DLG5: variants seen among roughly 807,000 people sequenced by gnomAD.
DLG5 encodes disks large homolog 5.
A neutral mutation model predicts 189.8 loss-of-function variants in DLG5; 48 were observed. That is an observed-to-expected ratio of 0.25 (90% CI 0.20 to 0.32). DLG5 has a LOEUF of 0.32. Ranked by LOEUF, DLG5 falls within the 10% of genes least tolerant of loss-of-function variation. DLG5 has a pLI of 1.00. For synonymous variants in DLG5, 1,016 were observed against 1,054.1 expected (o/e 0.96, Z 0.70); for missense variants, 2,160 against 2,544.7 (o/e 0.85, Z 3.25).
At chr10:77,909,939 T>A (rs1264396023) in intron 1 of DLG5, among the ~76,000 whole-genome samples, 1 of 152,114 alleles carries the variant, frequency 6.6e-6, no homozygotes, top group African/African-American at 2.4e-5. Context: ...GGTGGCCTCA[T>A]TTTCCTGCCT....
At chr10:77,825,415 C>CACACACAG (rs1491412699) in intron 13 of DLG5, among the ~76,000 whole-genome samples, 1 of 148,174 alleles carries the variant, frequency 6.7e-6, no homozygotes, top group African/African-American at 2.5e-5. Flanking sequence ...CACACACACA[C>CACACACAG]AGTACCAATG....
At chr10:77,794,317 C>A (rs995004883) in intron 30 of DLG5, among the ~76,000 whole-genome samples, 200 bp from the exon 31 acceptor site, 3 of 152,236 alleles carry the variant, frequency 2.0e-5, no homozygotes, top group African/African-American at 7.2e-5. Flanking sequence ...GAGGGCCCCC[C>A]AGCACACACA....
intron 20 of DLG5, 61 bp downstream of exon 20, chr10:77,816,490 G>A (rs1041288303): frequency 6.2e-6 from 10 of 1,609,960 alleles, no homozygotes; most frequent in African/African-American, 2.7e-5. Flanking sequence ...GCCCAGGCCC[G>A]CTGCCGGGAT....
At chr10:77,884,443 G>C (rs1845376586) in intron 1 of DLG5, among the ~76,000 whole-genome samples, 1 of 152,080 alleles carries the variant, frequency 6.6e-6, no homozygotes, top group Non-Finnish European at 1.5e-5. Flanking sequence ...CCCCACAGTG[G>C]ATCAGCAACG....
Position 77,842,104 on chromosome 10 carries a change from G to A in DLG5, c.1214C>T (p.Thr405Ile). The change falls in exon 7 of 32, where the codon ACC becomes ATC. Residue 405 changes from threonine to isoleucine, a missense_variant. This residue lies in a region of DLG5 where 664 missense variants were observed against 838.5 expected (regional missense o/e 0.79). Coordinates refer to ENST00000372391, the MANE Select transcript of DLG5 (RefSeq NM_004747.4). ...CTTCACCTGCGTGGTTCTCAGCTCG[G>A]TCAGCTCTGACTGCAGCAGCTCCAT... ...WEMELLQSEL[T>I]ELRTTQVKTA... The A allele has an allele frequency of 6.2e-7, 1 of 1,613,362 alleles. No homozygotes were observed. The highest frequency in any genetic ancestry group is 8.5e-7 in the Non-Finnish European group (1 of 1,180,036).
intron 27 of DLG5, among the ~76,000 whole-genome samples, chr10:77,802,378 T>G (rs1841251645): frequency 6.6e-6 from 1 of 152,182 alleles, no homozygotes; most frequent in East Asian, 1.9e-4. Flanking sequence ...ATGGACATTT[T>G]CAGACACAAA....
intron 1 of DLG5, among the ~76,000 whole-genome samples, chr10:77,888,259 G>T (rs1192211047): frequency 6.6e-6 from 1 of 152,126 alleles, no homozygotes. Flanking sequence ...GGCAAAGTGC[G>T]GCAGGAACTT....
At chr10:77,834,487 G>A (rs1160101714) in intron 8 of DLG5, among the ~76,000 whole-genome samples, 2 of 152,134 alleles carry the variant, frequency 1.3e-5, no homozygotes, top group Non-Finnish European at 2.9e-5. Flanking sequence ...TTCTAGAGCT[G>A]TCCCTGTACC....
At chr10:77,835,977 G>C (rs1306126029) in intron 7 of DLG5, 55 bp from the exon 8 acceptor site, 1 of 1,565,230 alleles carries the variant, frequency 6.4e-7, no homozygotes, top group East Asian at 2.3e-5. Flanking sequence ...CATGGACCAG[G>C]AGCGCCTCCC....
intron 1 of DLG5, among the ~76,000 whole-genome samples, chr10:77,890,861 C>T (rs1044777854): frequency 3.9e-5 from 6 of 152,318 alleles, no homozygotes; most frequent in African/African-American, 1.4e-4. Context: ...CAGAATAAAA[C>T]CTGCCTGGAA....
rs1415579738 is a variant in DLG5 at position 77,817,846 on chromosome 10, T to A, written c.3715A>T (p.Thr1239Ser). The change falls in exon 18 of 32, where the codon ACC becomes TCC. Residue 1239 changes from threonine to serine, a missense_variant. Around this residue, in one of 5 missense-constraint regions of DLG5, gnomAD observed 754 missense variants for 746.5 expected, o/e 1.01. Coordinates refer to ENST00000372391, the MANE Select transcript of DLG5 (RefSeq NM_004747.4). ...GRLSLDLSHR[T>S]CSDYSEMRAT... Reference sequence around the variant, plus strand: ...CTCATCTCGGAGTAGTCGCTGCAGGTCCTGTGGCTCAGGTCCAGGCTCAGG... The same window carrying A: ...CTCATCTCGGAGTAGTCGCTGCAGGACCTGTGGCTCAGGTCCAGGCTCAGG... The A allele has an allele frequency of 6.4e-7, 1 of 1,554,008 alleles. No homozygotes were observed.
At chr10:77,822,135 G>C in intron 14 of DLG5, 34 bp from the exon 15 acceptor site, 1 of 1,580,686 alleles carries the variant, frequency 6.3e-7, no homozygotes, top group Non-Finnish European at 8.6e-7. Context: ...GAGAGAGAGA[G>C]TGAGATGGCA....
chr10:77,861,514 C>T (rs1844469413), intron 2 of DLG5, among the ~76,000 whole-genome samples: 1 of 152,202 alleles, frequency 6.6e-6, no homozygotes, highest in Admixed American at 6.5e-5. Flanking sequence ...TCCCAACACA[C>T]CCCATCTCTG....
chr10:77,867,481 G>T (rs1042662384), intron 2 of DLG5, among the ~76,000 whole-genome samples: 1 of 152,194 alleles, frequency 6.6e-6, no homozygotes, highest in Non-Finnish European at 1.5e-5. Flanking sequence ...TGCACTTCCT[G>T]AAGGGTGAGT....
intron 1 of DLG5, among the ~76,000 whole-genome samples, chr10:77,897,879 C>G (rs1483601143): frequency 1.3e-5 from 2 of 152,056 alleles, no homozygotes; most frequent in Admixed American, 1.3e-4. Context: ...AATATTCTAT[C>G]CAAATATTCT....
At chr10:77,816,525 C>T (rs1431772430) in intron 20 of DLG5, 26 bp downstream of exon 20, 1 of 1,613,900 alleles carries the variant, frequency 6.2e-7, no homozygotes. Flanking sequence ...GGTTTACCCA[C>T]TCCACCGATG....
At chr10:77,823,777 C>T (rs923107978) in intron 14 of DLG5, among the ~76,000 whole-genome samples, 1 of 152,080 alleles carries the variant, frequency 6.6e-6, no homozygotes, top group East Asian at 1.9e-4. Context: ...GTGATCCACC[C>T]GCCTCCCAAA....
intron 2 of DLG5, among the ~76,000 whole-genome samples, chr10:77,857,963 C>T (rs1036296026): frequency 6.6e-6 from 1 of 152,166 alleles, no homozygotes; most frequent in African/African-American, 2.4e-5. Flanking sequence ...CCTGACCACC[C>T]CTGTCCCACT....
intron 9 of DLG5, 79 bp from the exon 10 acceptor site, chr10:77,830,952 G>A: frequency 1.3e-6 from 2 of 1,533,672 alleles, no homozygotes; most frequent in East Asian, 4.7e-5. Flanking sequence ...AACCTCACGA[G>A]GCAGGCCATT....
Sources: allele counts gnomAD v4.1 joint callset (sites outside exome capture counted in the v4.1 genomes callset), GRCh38; gene constraint gnomAD v4.1.1; regional missense constraint gnomAD v4.1.1; transcripts MANE v1.5; gene names NCBI Gene and HGNC (gene_info 2026-07-23, HGNC 2026-07-21).